Variants in EIF4E3 observed in about 807,000 individuals in gnomAD.
The protein encoded by EIF4E3 is eukaryotic translation initiation factor 4E family member 3.
In EIF4E3, 26 loss-of-function variants were observed where a neutral mutation model predicts 31.7. That is an observed-to-expected ratio of 0.82 (90% CI 0.60 to 1.14). The LOEUF is 1.14. Among genes scored for constraint, EIF4E3 ranks in the 50% most tolerant of loss-of-function variants. The pLI is 0.00. For missense variants in EIF4E3, 304 were observed against 270.9 expected (o/e 1.12, Z -0.86); for synonymous variants, 128 against 107.7 (o/e 1.19, Z -1.17).
rs2048887612 is a variant in EIF4E3, at chr3:71,678,047, TAA to T, written c.*6633_*6634del. On this transcript the variant is annotated 3_prime_UTR_variant, in exon 7 of 7. Transcript: ENST00000425534. The stretch of plus-strand genomic sequence containing the variant: ...AGTTACTCCCCATCAGAATACCAGA[TAA>T]CCTACTAAGCGTCAGACTCCATGCT... 1.3e-5 allele frequency: 2 copies of T among 152,272 alleles called. No homozygotes were observed. The highest frequency in any genetic ancestry group is 4.2e-4 in the South Asian group (2 of 4,816). 9.4% of individuals were successfully genotyped at this position (152,272 alleles called of 1,614,324 possible).
At chr3:71,701,822 T>G (rs954677215) in intron 2 of EIF4E3, among the ~76,000 whole-genome samples, 1 of 152,218 alleles carries the variant, frequency 6.6e-6, no homozygotes, top group African/African-American at 2.4e-5. Context: ...GACAGATGTA[T>G]TAATTGAGAA....
chr3:71,672,999 G>C (rs1257343361), downstream of EIF4E3, among the ~76,000 whole-genome samples: 2 of 152,172 alleles, frequency 1.3e-5, no homozygotes, highest in East Asian at 1.9e-4. Context: ...AGAGAGCCAC[G>C]AGGGCTGAAC....
At chr3:71,673,909 T>TTA (rs796175405), downstream of EIF4E3, among the ~76,000 whole-genome samples, 3,737 of 138,016 alleles carry the variant, frequency 0.027, 44 homozygotes, top group African/African-American at 0.046. Context: ...AATATAATAA[T>TTA]TATATATATA....
chr3:71,746,395 C>G (rs546349962), intron 1 of EIF4E3, among the ~76,000 whole-genome samples: 1 of 152,208 alleles, frequency 6.6e-6, no homozygotes, highest in Non-Finnish European at 1.5e-5. Flanking sequence ...TTCTTAATCT[C>G]TCTTCCCAGG....
At chr3:71,703,217 G>A (rs1017713657) in intron 2 of EIF4E3, among the ~76,000 whole-genome samples, 5 of 152,136 alleles carry the variant, frequency 3.3e-5, no homozygotes, top group Non-Finnish European at 7.4e-5. Context: ...GCACTGTGAC[G>A]GGTCCTTGGG....
At chr3:71,754,749 G>T (rs1460054193), upstream of EIF4E3, 4 of 1,368,420 alleles carry the variant, frequency 2.9e-6, no homozygotes, top group Admixed American at 2.7e-5. This position sits in a 1 kb window ranked among gnomAD's most constrained non-coding sequence, Gnocchi z 5.8. Flanking sequence ...CGGCCCGGGC[G>T]CCACCGGCCA....
chr3:71,689,962 G>A (rs1325341919), intron 6 of EIF4E3, 48 bp downstream of exon 6: 1 of 1,482,416 alleles, frequency 6.7e-7, no homozygotes, highest in Non-Finnish European at 9.0e-7. Flanking sequence ...ATCTTTAAAA[G>A]TATGATAGAG....
chr3:71,728,354 A>C (rs538741361), upstream of EIF4E3: 2 of 152,408 alleles, frequency 1.3e-5, no homozygotes, highest in Non-Finnish European at 2.9e-5. Flanking sequence ...AATTTCCCTC[A>C]TCTGGGAACT....
chr3:71,750,952 C>T (rs192262549), intron 1 of EIF4E3, among the ~76,000 whole-genome samples: 32 of 151,196 alleles, frequency 2.1e-4, no homozygotes, highest in East Asian at 2.0e-3. Context: ...TTAATAGAGA[C>T]GGGGTTTCAC....
chr3:71,705,286 G>C (rs990343247), intron 2 of EIF4E3, among the ~76,000 whole-genome samples: 4 of 152,128 alleles, frequency 2.6e-5, no homozygotes, highest in Non-Finnish European at 5.9e-5. Flanking sequence ...ATTTCCCAAG[G>C]GTTTGGAAAG....
upstream of EIF4E3, chr3:71,725,460 G>A: frequency 4.3e-6 from 3 of 696,710 alleles, no homozygotes; most frequent in Non-Finnish European, 5.2e-6. The surrounding 1 kb of genome is among the most constrained non-coding windows in gnomAD (Gnocchi z 6.1). Flanking sequence ...CCCGCCCCGC[G>A]CGCCCCGCCC....
downstream of EIF4E3, among the ~76,000 whole-genome samples, chr3:71,674,137 C>G (rs1271369286): frequency 8.5e-6 from 1 of 116,990 alleles, no homozygotes; most frequent in Admixed American, 1.2e-4. Flanking sequence ...GACAGCGCCT[C>G]GCTGTGTCGC....
upstream of EIF4E3, chr3:71,754,467 G>C (rs772551803): frequency 5.3e-6 from 7 of 1,329,948 alleles, no homozygotes; most frequent in South Asian, 3.7e-5. The surrounding 1 kb of genome is among the most constrained non-coding windows in gnomAD (Gnocchi z 5.8). Context: ...CTGGCCGTGC[G>C]CCGCCATGCT....
At chr3:71,709,965 C>T (rs1270321683) in intron 2 of EIF4E3, among the ~76,000 whole-genome samples, 4 of 152,090 alleles carry the variant, frequency 2.6e-5, no homozygotes, top group South Asian at 4.1e-4. Flanking sequence ...TCCACCTTCA[C>T]GCTCCACACT....
In EIF4E3 at chr3:71,692,738, T is replaced by C. The variant is rs370929929; in HGVS notation, c.472+1137A>G. On this transcript the variant is annotated intron_variant, in intron 5 of 6. Transcript: ENST00000425534. ...CCTCCAAAGTTGCTGGGGCTATGGG[T>C]GTATGTCACTATGCCCAGCTAATTT... Among the ~76,000 whole-genome samples the C allele has an allele frequency of 6.6e-5, 10 of 151,880 alleles. No individual in the cohort carries two copies. In the South Asian group the frequency reaches 2.1e-3, roughly 32 times the overall value.
chr3:71,754,656 C>T (rs754617936), upstream of EIF4E3: 5 of 1,502,128 alleles, frequency 3.3e-6, no homozygotes, highest in South Asian at 1.2e-5. The surrounding 1 kb of genome is among the most constrained non-coding windows in gnomAD (Gnocchi z 5.8). Context: ...CGTCTACCTC[C>T]GCCTGCTCTT....
chr3:71,742,207 T>TA (rs2049827882), intron 1 of EIF4E3, among the ~76,000 whole-genome samples: 1 of 151,968 alleles, frequency 6.6e-6, no homozygotes, highest in African/African-American at 2.4e-5. Flanking sequence ...TCAATGAAAG[T>TA]AAAAATCTGG....
At chr3:71,661,710 T>C in the EIF4E3 span, among the ~76,000 whole-genome samples, 9 of 152,214 alleles carry the variant, frequency 5.9e-5, no homozygotes, top group African/African-American at 1.2e-4. Context: ...ACAGGCATGA[T>C]AGACATCCTG....
At chr3:71,727,568 C>T (rs949675389), upstream of EIF4E3, among the ~76,000 whole-genome samples, 1 of 152,162 alleles carries the variant, frequency 6.6e-6, no homozygotes, top group African/African-American at 2.4e-5. Context: ...CTTTCTTCAT[C>T]TACACAAGCT....
Sources: allele counts gnomAD v4.1 joint callset (sites outside exome capture counted in the v4.1 genomes callset), GRCh38; gene constraint gnomAD v4.1.1; non-coding constraint Gnocchi (gnomAD v3.1); transcripts MANE v1.5; gene names NCBI Gene and HGNC (gene_info 2026-07-23, HGNC 2026-07-21).